Variants in ENPP1 observed in about 807,000 individuals in gnomAD.
ENPP1 encodes ectonucleotide pyrophosphatase/phosphodiesterase 1, also known as ectonucleotide pyrophosphatase/phosphodiesterase family member 1.
In ENPP1, 73 loss-of-function variants were observed where a neutral mutation model predicts 122.8. The ratio of observed to expected loss-of-function variants is 0.59; its 90% CI spans 0.49 to 0.72. ENPP1 has a LOEUF of 0.72. ENPP1 is among the 30% of genes least tolerant of loss of function. The pLI is 0.00. For synonymous variants in ENPP1, 367 were observed against 391.6 expected, an observed-to-expected ratio of 0.94 and a Z score of 0.74; for missense variants, 978 against 1,128.1, an observed-to-expected ratio of 0.87 and a Z score of 1.91.
chr6:131,873,518 C>T (rs1183028542), intron 15 of ENPP1, among the ~76,000 whole-genome samples: 1 of 152,148 alleles, frequency 6.6e-6, no homozygotes, highest in Non-Finnish European at 1.5e-5. Flanking sequence ...GCCTAGCCAA[C>T]AGTTGGTAAA....
intron 1 of ENPP1, among the ~76,000 whole-genome samples, chr6:131,839,702 A>C (rs1405920770): frequency 6.6e-6 from 1 of 151,912 alleles, no homozygotes. Context: ...ATAACCAAAA[A>C]TTGGGACCAT....
intron 5 of ENPP1, among the ~76,000 whole-genome samples, 199 bp downstream of exon 5, chr6:131,852,434 A>C (rs1781894192): frequency 6.6e-6 from 1 of 152,202 alleles, no homozygotes; most frequent in South Asian, 2.1e-4. Context: ...TATTTGAGTT[A>C]TACCAGTTTG....
chr6:131,820,033 A>C, intron 1 of ENPP1: 1 of 556,210 alleles, frequency 1.8e-6, no homozygotes, highest in South Asian at 1.5e-5. Flanking sequence ...TATCAAAGAT[A>C]ATCTCCATGG....
intron 23 of ENPP1, 22 bp downstream of exon 23, chr6:131,885,085 C>T (rs1334129667): frequency 6.2e-7 from 1 of 1,611,536 alleles, no homozygotes; most frequent in African/African-American, 1.3e-5. Context: ...TTTCATTACT[C>T]TTAAAAATAG....
At chr6:131,887,559 A>AT (rs71030768) in intron 24 of ENPP1, among the ~76,000 whole-genome samples, 8,277 of 86,136 alleles carry the variant, frequency 0.096, 1,346 homozygotes, top group East Asian at 0.24. Flanking sequence ...CACCCAGCTA[A>AT]TTTTTTTTTT....
chr6:131,832,943 C>A (rs182385731), intron 1 of ENPP1, among the ~76,000 whole-genome samples: 2 of 152,280 alleles, frequency 1.3e-5, no homozygotes, highest in Admixed American at 1.3e-4. Context: ...TTTGGATTTA[C>A]CAAATTATAT....
intron 7 of ENPP1, 97 bp from the exon 8 acceptor site, chr6:131,860,289 AG>A (rs1782004356): frequency 1.1e-6 from 1 of 924,176 alleles, no homozygotes; most frequent in Non-Finnish European, 1.7e-6. Context: ...AATTCCATGT[AG>A]CTTCAGTTAT....
chr6:131,850,111 G>C lies in ENPP1; in HGVS notation c.430+5G>C. ...AGGAGACGTGCATAGAACCAGGTAA[G>C]GATGAGCAGGGAAAAAAGTGGAGTT... is the stretch of plus-strand genomic sequence containing the variant. On this transcript the variant is annotated splice_donor_5th_base_variant and intron_variant, in intron 3 of 24. Transcript: ENST00000647893. 2.6e-6 allele frequency: 4 copies of C among 1,559,274 alleles called. No homozygotes were observed. The highest frequency in any genetic ancestry group is 3.5e-6 in the Non-Finnish European group (4 of 1,129,950).
chr6:131,868,229 A>G, intron 12 of ENPP1, 103 bp downstream of exon 12: 1 of 830,408 alleles, frequency 1.2e-6, no homozygotes, highest in Non-Finnish European at 2.0e-6. Context: ...ATTCTTTTTT[A>G]AAAATGTAGT....
chr6:131,823,796 C>T (rs776656130), intron 1 of ENPP1, among the ~76,000 whole-genome samples: 4 of 151,986 alleles, frequency 2.6e-5, no homozygotes, highest in Non-Finnish European at 5.9e-5. Context: ...GAGTGTAAAT[C>T]GCATCTCTGC....
At position 131,860,462 on chromosome 6, in the gene ENPP1, AAAAGT is replaced by A; in HGVS notation, c.876_880del (p.Ser292ArgfsTer4). On this transcript the variant is annotated frameshift_variant, in exon 8 of 25. Coordinates refer to ENST00000647893, the MANE Select transcript of ENPP1 (RefSeq NM_006208.3). LOFTEE classifies it high-confidence loss of function. The stretch of plus-strand genomic sequence containing the variant: ...CAAAATGAATGCTTCCTTTTCACTT[AAAAGT>A]AAAGAGAAATTTAATCCTGAGTGGT... 2 of 1,597,742 alleles carry A rather than the reference AAAAGT, an allele frequency of 1.3e-6. No homozygotes were observed. Among genetic ancestry groups the A allele is most frequent in the South Asian group, 2.2e-5 (2 of 90,730 alleles).
At chr6:131,831,836 C>G (rs1330841831) in intron 1 of ENPP1, among the ~76,000 whole-genome samples, 1 of 151,862 alleles carries the variant, frequency 6.6e-6, no homozygotes, top group Non-Finnish European at 1.5e-5. Flanking sequence ...CTTTTTTGTC[C>G]CTTTCCATAC....
rs1440758146 is a variant in ENPP1, at chr6:131,811,414, A to G, written c.240+3139A>G. Among the ~76,000 whole-genome samples the G allele has an allele frequency of 1.7e-3, 259 of 149,184 alleles. 2 individuals carry two copies. The highest frequency in any genetic ancestry group is 6.4e-3 in the African/African-American group (251 of 39,290). ...TATATCTATATCTATATCTATATCTATATCTATATCTATATCTATATATAT... is the reference window on the plus strand; with the variant it reads ...TATATCTATATCTATATCTATATCTGTATCTATATCTATATCTATATATAT... On this transcript the variant is annotated intron_variant, in intron 1 of 24. Coordinates refer to ENST00000647893, the MANE Select transcript of ENPP1 (RefSeq NM_006208.3).
At chr6:131,875,887 T>C in intron 17 of ENPP1, 24 bp downstream of exon 17, 1 of 1,571,230 alleles carries the variant, frequency 6.4e-7, no homozygotes. Context: ...GGTGCCTTTT[T>C]TCCCTTCTGA....
rs1562519009 is a variant in ENPP1, at chr6:131,847,859, GT to G, written c.313+12del. ...GCTGTGCCAAAGAAGGTAATTAGGTGTGTGTGTGTGTGTGTGTGTGTGTGTG... is the reference window on the plus strand; with the variant it reads ...GCTGTGCCAAAGAAGGTAATTAGGTGGTGTGTGTGTGTGTGTGTGTGTGTG... On this transcript the variant is annotated intron_variant, in intron 2 of 24. Transcript: ENST00000647893. The G allele has an allele frequency of 1.1e-4, 79 of 704,516 alleles. No homozygotes were observed. The African/African-American group carries it at 1.6e-3, about 14-fold the overall frequency. 43.6% of individuals were successfully genotyped at this position (704,516 alleles called of 1,614,324 possible). A position where few individuals can be genotyped will look rare whatever the true frequency, so the allele number is the denominator to read the frequency against.
At chr6:131,836,054 G>A (rs1781669797) in intron 1 of ENPP1, among the ~76,000 whole-genome samples, 2 of 151,352 alleles carry the variant, frequency 1.3e-5, no homozygotes, top group South Asian at 4.2e-4. Context: ...CTTGTCTTCT[G>A]TTCTTTTAAA....
At chr6:131,889,076 T>G (rs1328981275) in intron 24 of ENPP1, among the ~76,000 whole-genome samples, 1 of 152,150 alleles carries the variant, frequency 6.6e-6, no homozygotes, top group Non-Finnish European at 1.5e-5. Flanking sequence ...AAAACTAGTA[T>G]TTGTGTAGTA....
At chr6:131,862,708 G>T (rs1205809420) in intron 9 of ENPP1, among the ~76,000 whole-genome samples, 1 of 152,172 alleles carries the variant, frequency 6.6e-6, no homozygotes, top group Non-Finnish European at 1.5e-5. Context: ...GGATTGCAGG[G>T]CATGGTCTGG....
At position 131,882,349 on chromosome 6, in the gene ENPP1, G is replaced by A; in HGVS notation, c.2105G>A (p.Ser702Asn). 6.2e-7 allele frequency: 1 copy of A among 1,600,094 alleles called. No homozygotes were observed. Residue 702 changes from serine (S) to asparagine (N), a missense_variant, in exon 21 of 25, where the codon AGT becomes AAT. Transcript: ENST00000647893. ...CTTCTCATTTTCGTTCTTCAGGACAGTTTCTCTACGGAAGACTTCTCCAAC... is the reference window on the plus strand; with the variant it reads ...CTTCTCATTTTCGTTCTTCAGGACAATTTCTCTACGGAAGACTTCTCCAAC... ...WTSYTVDRND[S>N]FSTEDFSNCL... is the part of the protein sequence containing the mutation.
Sources: allele counts gnomAD v4.1 joint callset (sites outside exome capture counted in the v4.1 genomes callset), GRCh38; gene constraint gnomAD v4.1.1; transcripts MANE v1.5; gene names NCBI Gene and HGNC (gene_info 2026-07-23, HGNC 2026-07-21).